MGAT4C: variants seen among roughly 807,000 people sequenced by gnomAD.
The protein encoded by MGAT4C is MGAT4 family member C.
A neutral mutation model predicts 40.1 loss-of-function variants in MGAT4C; 19 were observed. That is an observed-to-expected ratio of 0.47 (90% CI 0.33 to 0.70). The LOEUF (loss-of-function observed/expected upper bound fraction) is 0.70, where lower values mean the gene tolerates loss of function less well. MGAT4C is among the 30% of genes least tolerant of loss of function. MGAT4C has a pLI of 0.02. For synonymous variants in MGAT4C, 181 were observed against 187.1 expected, an observed-to-expected ratio of 0.97 and a Z score of 0.27; for missense variants, 491 against 563.2, an observed-to-expected ratio of 0.87 and a Z score of 1.30.
chr12:86,242,597 G>A (rs1352763792), intron 1 of MGAT4C, among the ~76,000 whole-genome samples: 2 of 152,046 alleles, frequency 1.3e-5, no homozygotes, highest in Admixed American at 6.6e-5. Flanking sequence ...AGCCTTTACC[G>A]ATTTTATGAT....
At chr12:86,742,993 G>GT (rs1240164126) in intron 1 of MGAT4C, among the ~76,000 whole-genome samples, 2 of 151,308 alleles carry the variant, frequency 1.3e-5, no homozygotes, top group Non-Finnish European at 3.0e-5. Flanking sequence ...ATGTGTGTGT[G>GT]TATGTGTGTA....
intron 3 of MGAT4C, among the ~76,000 whole-genome samples, chr12:86,336,117 A>G (rs1954785794): frequency 6.6e-6 from 1 of 152,192 alleles, no homozygotes; most frequent in African/African-American, 2.4e-5. Context: ...TGTTATGTAA[A>G]TAGTTGCTAT....
intron 1 of MGAT4C, among the ~76,000 whole-genome samples, chr12:86,766,664 C>T (rs1951514842): frequency 6.6e-6 from 1 of 151,756 alleles, no homozygotes; most frequent in Non-Finnish European, 1.5e-5. Context: ...TTATAACAAA[C>T]TATCTCTCAG....
intron 2 of MGAT4C, among the ~76,000 whole-genome samples, chr12:86,501,324 T>C (rs900982548): frequency 1.3e-5 from 2 of 152,088 alleles, no homozygotes; most frequent in African/African-American, 4.8e-5. Flanking sequence ...TTAGCACATG[T>C]ATTGTTATTT....
intron 3 of MGAT4C, among the ~76,000 whole-genome samples, chr12:86,433,673 T>A (rs886464500): frequency 4.6e-5 from 7 of 151,962 alleles, no homozygotes; most frequent in Non-Finnish European, 2.9e-5. Context: ...ATGGGTTGAA[T>A]TGAATGCATG....
At chr12:86,498,086 T>G (rs2136330757) in intron 2 of MGAT4C, among the ~76,000 whole-genome samples, 2 of 150,778 alleles carry the variant, frequency 1.3e-5, no homozygotes, top group African/African-American at 4.8e-5. Flanking sequence ...TAGTAGATTT[T>G]TGTTTGTATT....
intron 2 of MGAT4C, among the ~76,000 whole-genome samples, chr12:86,613,975 A>T (rs916467730): frequency 8.5e-5 from 13 of 152,186 alleles, no homozygotes; most frequent in African/African-American, 2.9e-4. Context: ...GGACAAAGAG[A>T]TACATGAGCA....
chr12:86,595,440 A>G (rs1294728071), intron 2 of MGAT4C, among the ~76,000 whole-genome samples: 2 of 151,862 alleles, frequency 1.3e-5, no homozygotes, highest in African/African-American at 4.8e-5. Context: ...CTGAGGCAGG[A>G]GAATCGCTTG....
chr12:86,313,421 G>A (rs145418783), intron 4 of MGAT4C, among the ~76,000 whole-genome samples: 114 of 152,086 alleles, frequency 7.5e-4, no homozygotes, highest in African/African-American at 2.5e-3. Flanking sequence ...ATATTTAGCC[G>A]TAAGTAACTC....
chr12:86,315,240 T>A (rs1389622195), intron 4 of MGAT4C, among the ~76,000 whole-genome samples: 1 of 151,618 alleles, frequency 6.6e-6, no homozygotes, highest in Admixed American at 6.6e-5. Context: ...TTGACAAAGT[T>A]AAAAAAAATA....
chr12:86,024,425 T>C (rs1184865395), intron 2 of MGAT4C, among the ~76,000 whole-genome samples: 3 of 151,812 alleles, frequency 2.0e-5, no homozygotes, highest in Admixed American at 6.6e-5. Context: ...AAGGGACTAG[T>C]TCTAAAGTTA....
intron 2 of MGAT4C, among the ~76,000 whole-genome samples, chr12:86,692,504 T>C (rs1950188719): frequency 6.6e-6 from 1 of 152,214 alleles, no homozygotes; most frequent in South Asian, 2.1e-4. Flanking sequence ...AGAGTTTATT[T>C]CTCTCCAATT....
intron 1 of MGAT4C, among the ~76,000 whole-genome samples, chr12:86,757,895 CCT>C (rs1951333794): frequency 6.6e-6 from 1 of 152,088 alleles, no homozygotes; most frequent in Non-Finnish European, 1.5e-5. Flanking sequence ...ATTCTTATGT[CCT>C]CTCTGGGTCA....
intron 1 of MGAT4C, among the ~76,000 whole-genome samples, chr12:86,244,703 G>C (rs1391170831): frequency 6.6e-6 from 1 of 152,122 alleles, no homozygotes; most frequent in African/African-American, 2.4e-5. Flanking sequence ...TGCTCTATGA[G>C]CACAAAAGAG....
At chr12:86,128,468 C>T (rs1464156074) in intron 1 of MGAT4C, among the ~76,000 whole-genome samples, 3 of 152,134 alleles carry the variant, frequency 2.0e-5, no homozygotes, top group East Asian at 1.9e-4. Flanking sequence ...TGCCACCAAG[C>T]AAGAAGTGCC....
At chr12:86,518,222 T>C (rs773871435) in intron 2 of MGAT4C, among the ~76,000 whole-genome samples, 2 of 152,010 alleles carry the variant, frequency 1.3e-5, no homozygotes, top group Non-Finnish European at 2.9e-5. Flanking sequence ...ATGAATAGAG[T>C]TGACTTCATA....
intron 2 of MGAT4C, among the ~76,000 whole-genome samples, chr12:86,687,629 C>T (rs1337531881): frequency 6.6e-6 from 1 of 152,160 alleles, no homozygotes; most frequent in African/African-American, 2.4e-5. Flanking sequence ...TGTTCAGTTT[C>T]CATGTAGTTG....
chr12:86,616,191 C>A (rs1347083506), intron 2 of MGAT4C, among the ~76,000 whole-genome samples: 1 of 152,026 alleles, frequency 6.6e-6, no homozygotes, highest in African/African-American at 2.4e-5. Flanking sequence ...TTGCTAGCAG[C>A]TTTGGAAACT....
At chr12:86,395,480 G>C (rs1956244490) in intron 3 of MGAT4C, among the ~76,000 whole-genome samples, 1 of 152,134 alleles carries the variant, frequency 6.6e-6, no homozygotes, top group Non-Finnish European at 1.5e-5. Context: ...CCTCAGAACT[G>C]TGTATCATCC....
Sources: gnomAD v4.1 joint callset for allele counts (sites outside exome capture counted in the v4.1 genomes callset) on GRCh38, gnomAD v4.1.1 for gene constraint, MANE v1.5 for transcripts, NCBI Gene and HGNC (gene_info 2026-07-23, HGNC 2026-07-21) for gene names.